Variants in EMG1 observed in about 807,000 individuals in gnomAD.
The protein encoded by EMG1 is EMG1 N1-specific pseudouridine methyltransferase.
A neutral mutation model predicts 26.9 loss-of-function variants in EMG1; 24 were observed. The ratio of observed to expected loss-of-function variants is 0.89; its 90% CI spans 0.65 to 1.26. EMG1 has a LOEUF of 1.26. Ranked by LOEUF, EMG1 falls within the 50% of genes most tolerant of loss-of-function variation. EMG1 has a pLI of 0.00. For synonymous variants in EMG1, 140 were observed against 112.6 expected, an observed-to-expected ratio of 1.24 and a Z score of -1.54; for missense variants, 299 against 307.6, an observed-to-expected ratio of 0.97 and a Z score of 0.21.
chr12:6,985,875 A>G (rs1264474114), intron 6 of EMG1, among the ~76,000 whole-genome samples: 1 of 151,158 alleles, frequency 6.6e-6, no homozygotes. Flanking sequence ...CCTAGGTTCA[A>G]GCGATTCTCC....
chr12:6,982,896 A>G (rs782379879), downstream of EMG1: 5 of 684,246 alleles, frequency 7.3e-6, no homozygotes, highest in Non-Finnish European at 1.3e-5. Context: ...CTTTTTTTTC[A>G]GAATAACCTC....
chr12:6,980,527 G>T (rs191732668), downstream of EMG1, among the ~76,000 whole-genome samples: 128 of 151,350 alleles, frequency 8.5e-4, no homozygotes, highest in African/African-American at 3.1e-3. Flanking sequence ...GATAATTTTT[G>T]TATTTTTTTG....
Position 6,975,077 on chromosome 12 carries a change from T to C in EMG1, c.413-13T>C. On this transcript the variant is annotated splice_polypyrimidine_tract_variant and intron_variant, in intron 3 of 5. Coordinates refer to ENST00000599672, the MANE Select transcript of EMG1 (RefSeq NM_006331.8). ...TCTCCATCTAGCTCTGAACTCTTTT[T>C]TCCCCCTTCTAGTTCAACTTTTACA... The C allele has an allele frequency of 6.2e-7, 1 of 1,613,882 alleles. No homozygotes were observed. The highest frequency in any genetic ancestry group is 1.1e-5 in the South Asian group (1 of 91,082).
At chr12:6,995,136 T>TA (rs781970112) in intron 7 of EMG1, among the ~76,000 whole-genome samples, 1 of 130,048 alleles carries the variant, frequency 7.7e-6, no homozygotes, top group African/African-American at 2.8e-5. Context: ...TTTTTTTTTT[T>TA]AAATTAACAG....
chr12:6,978,255 G>T lies in EMG1; in HGVS notation c.*2446G>T. On this transcript the variant is annotated 3_prime_UTR_variant, in exon 6 of 6. Transcript: ENST00000599672. Reference sequence around the variant, plus strand: ...CTGCCCAGATGGGAAAGACGCATAGGGGTGACATGGTACACCCCTGCCCTC... The same window carrying T: ...CTGCCCAGATGGGAAAGACGCATAGTGGTGACATGGTACACCCCTGCCCTC... 1 of 1,466,026 alleles carries T rather than the reference G, an allele frequency of 6.8e-7. No individual in the cohort carries two copies. Among genetic ancestry groups the T allele is most frequent in the Non-Finnish European group, 9.2e-7 (1 of 1,083,704 alleles). 90.8% of individuals were successfully genotyped at this position (1,466,026 alleles called of 1,614,324 possible). A position where few individuals can be genotyped will look rare whatever the true frequency, so the allele number is the denominator to read the frequency against.
At chr12:6,974,216 G>T in intron 1 of EMG1, 123 bp from the exon 2 acceptor site, 2 of 727,764 alleles carry the variant, frequency 2.7e-6, no homozygotes, top group Non-Finnish European at 2.4e-6. Context: ...GTGGGCCTGA[G>T]AATTTGCCTA....
In EMG1 at chr12:6,987,793, G is replaced by T; in HGVS notation, c.*166G>T. 1 of 400,684 alleles carries T rather than the reference G, an allele frequency of 2.5e-6. No homozygotes were observed. Among genetic ancestry groups the T allele is most frequent in the Non-Finnish European group, 4.4e-6 (1 of 226,226 alleles). The allele number at this position is 400,684 out of a possible 1,614,324, so 24.8% of individuals were successfully genotyped here. A position where few individuals can be genotyped will look rare whatever the true frequency, so the allele number is the denominator to read the frequency against. On this transcript the variant is annotated 3_prime_UTR_variant and NMD_transcript_variant, in exon 7 of 8. Coordinates refer to the EMG1 transcript ENST00000261406. The surrounding 1 kb of genome is among the most constrained non-coding windows in gnomAD (Gnocchi z 4.1). ...TTAACATTTTCTAGGTGTCTGGATCGTATCTATTCCAGAGTAAAGTCATGA... is the reference window on the plus strand; with the variant it reads ...TTAACATTTTCTAGGTGTCTGGATCTTATCTATTCCAGAGTAAAGTCATGA...
downstream of EMG1, chr12:6,982,771 A>G (rs1555154306): frequency 3.1e-6 from 5 of 1,612,826 alleles, no homozygotes; most frequent in South Asian, 5.5e-5. Flanking sequence ...AGGGAGTGGT[A>G]GAGCTGGTTT....
downstream of EMG1, chr12:6,981,133 G>T: frequency 6.2e-7 from 1 of 1,613,748 alleles, no homozygotes; most frequent in Non-Finnish European, 8.5e-7. Context: ...TTCCAGCAGG[G>T]AAGGAACACC....
At chr12:6,974,244 G>A in intron 1 of EMG1, 95 bp from the exon 2 acceptor site, 1 of 873,306 alleles carries the variant, frequency 1.1e-6, no homozygotes, top group South Asian at 1.4e-5. Context: ...TCCAGGTGCA[G>A]CTGCTGCTGG....
At position 6,974,395 on chromosome 12, in the gene EMG1, G is replaced by A. The variant is rs1301760658; in HGVS notation, c.225G>A (p.Lys75=). The A allele has an allele frequency of 6.2e-7, 1 of 1,613,754 alleles. No homozygotes were observed. Among genetic ancestry groups the A allele is most frequent in the African/African-American group, 1.3e-5 (1 of 74,934 alleles). Residue 75 remains lysine (K), a synonymous_variant, in exon 2 of 6, where the codon AAG becomes AAA. Transcript: ENST00000599672. ...NCDKHKSILL[K]NGRDPGEARP... Reference sequence around the variant, plus strand: ...ACAAGCACAAGTCTATATTGTTGAAGAATGGACGGGACCCTGGGGAAGCGC... The same window carrying A: ...ACAAGCACAAGTCTATATTGTTGAAAAATGGACGGGACCCTGGGGAAGCGC...
At chr12:6,983,664 T>C, downstream of EMG1, 2 of 649,046 alleles carry the variant, frequency 3.1e-6, no homozygotes, top group South Asian at 3.6e-5. Context: ...ACATACATTA[T>C]ATGGATGGCA....
Position 6,977,658 on chromosome 12 carries a change from C to A in EMG1, c.*1849C>A. ...GGAAGCAGACCAGGTATCCTGAGTG[C>A]AGGCCGTGCCAGAGGGCCAGGAATA... On this transcript the variant is annotated 3_prime_UTR_variant, in exon 6 of 6. Coordinates refer to ENST00000599672, the MANE Select transcript of EMG1 (RefSeq NM_006331.8). The surrounding 1 kb of genome is among the most constrained non-coding windows in gnomAD (Gnocchi z 4.5). The A allele has an allele frequency of 6.2e-7, 1 of 1,614,236 alleles. No homozygotes were observed. Among genetic ancestry groups the A allele is most frequent in the Non-Finnish European group, 8.5e-7 (1 of 1,180,042 alleles).
In EMG1 at chr12:6,978,556, C is replaced by T. The variant is rs1591545307; in HGVS notation, c.*2747C>T. 1 of 1,612,970 alleles carries T rather than the reference C, an allele frequency of 6.2e-7. No homozygotes were observed. The highest frequency in any genetic ancestry group is 8.5e-7 in the Non-Finnish European group (1 of 1,179,242). On this transcript the variant is annotated 3_prime_UTR_variant, in exon 6 of 6. Coordinates refer to ENST00000599672, the MANE Select transcript of EMG1 (RefSeq NM_006331.8). ...GGCTCTTGCCACTCCCCATACTGGC[C>T]CCCATGGCTTGTCTAAATAGGACCT... is the stretch of plus-strand genomic sequence containing the variant.
chr12:6,978,796 G>A lies in EMG1; in HGVS notation c.*2987G>A. On this transcript the variant is annotated 3_prime_UTR_variant, in exon 6 of 6. Transcript: ENST00000599672. ...GGCTGGCTACTTCATACCTGCCTGA[G>A]TCCTGCTGCCAGATGCCCTCAATAG... 1 of 1,502,644 alleles carries A rather than the reference G, an allele frequency of 6.7e-7. No individual in the cohort carries two copies. Among genetic ancestry groups the A allele is most frequent in the Non-Finnish European group, 8.9e-7 (1 of 1,117,382 alleles). The allele number at this position is 1,502,644 out of a possible 1,614,324, so 93.1% of individuals were successfully genotyped here.
Position 6,976,968 on chromosome 12 carries a change from C to T in EMG1, c.*1159C>T. 1 of 595,356 alleles carries T rather than the reference C, an allele frequency of 1.7e-6. No individual in the cohort carries two copies. The highest frequency in any genetic ancestry group is 2.7e-5 in the East Asian group (1 of 37,334). 36.9% of individuals were successfully genotyped at this position (595,356 alleles called of 1,614,324 possible). A position where few individuals can be genotyped will look rare whatever the true frequency, so the allele number is the denominator to read the frequency against. ...GGTCTATAGCCCTTCCAGATGTTTC[C>T]TAGCATGCCTCAATAAGTCACAGTA... is the stretch of plus-strand genomic sequence containing the variant. On this transcript the variant is annotated 3_prime_UTR_variant, in exon 6 of 6. Transcript: ENST00000599672.
At chr12:6,993,438 G>GA (rs113095523) in intron 7 of EMG1, among the ~76,000 whole-genome samples, 504 of 134,892 alleles carry the variant, frequency 3.7e-3, no homozygotes, top group Middle Eastern at 7.8e-3. Context: ...ATCTCAAAAA[G>GA]AAAAAAAAAA....
At position 6,975,238 on chromosome 12, in the gene EMG1, A is replaced by AATTACCTAAATT; in HGVS notation, c.483_484insTACCTAAATTAT (p.Asn161_Pro162insTyrLeuAsnTyr). 1 of 1,613,974 alleles carries AATTACCTAAATT rather than the reference A, an allele frequency of 6.2e-7. No individual in the cohort carries two copies. The highest frequency in any genetic ancestry group is 2.2e-5 in the East Asian group (1 of 44,884). On this transcript the variant is annotated inframe_insertion, in exon 5 of 6. Transcript: ENST00000599672. ...CTCTTTTTTACTTTAGGTAATTAAG[A>AATTACCTAAATT]ATCCAGTATCAGATCACTTTCCAGT...
At chr12:6,973,105 G>A (rs144957395) in intron 1 of EMG1, among the ~76,000 whole-genome samples, 1 of 151,706 alleles carries the variant, frequency 6.6e-6, no homozygotes, top group Admixed American at 6.6e-5. Flanking sequence ...CTCCTAAAGT[G>A]TTGGGATCAC....
Sources: allele counts gnomAD v4.1 joint callset (sites outside exome capture counted in the v4.1 genomes callset), GRCh38; gene constraint gnomAD v4.1.1; non-coding constraint Gnocchi (gnomAD v3.1); transcripts MANE v1.5; gene names NCBI Gene and HGNC (gene_info 2026-07-23, HGNC 2026-07-21).